Variants in MYO5B observed in about 807,000 individuals in gnomAD.
MYO5B encodes the protein unconventional myosin-Vb.
MYO5B carries 143 observed loss-of-function variants against 229.3 expected under a neutral mutation model. The ratio of observed to expected loss-of-function variants is 0.62; its 90% CI spans 0.54 to 0.72. MYO5B has a LOEUF of 0.72. MYO5B is among the 30% of genes least tolerant of loss of function. MYO5B has a pLI of 0.00. For missense variants in MYO5B, 2,321 were observed against 2,331.0 expected (o/e 1.00, Z 0.09); for synonymous variants, 918 against 885.2 (o/e 1.04, Z -0.66).
chr18:50,113,687 G>A (rs935569832), intron 1 of MYO5B, among the ~76,000 whole-genome samples: 2 of 152,210 alleles, frequency 1.3e-5, no homozygotes, highest in African/African-American at 4.8e-5. Context: ...GTTGAAGTTA[G>A]TGTGAGGGTC....
At chr18:50,190,792 A>C (rs1394660679) in intron 1 of MYO5B, among the ~76,000 whole-genome samples, 1 of 152,272 alleles carries the variant, frequency 6.6e-6, no homozygotes, top group Non-Finnish European at 1.5e-5. Context: ...ATATATATTT[A>C]AATGTTTCAT....
At chr18:50,129,576 G>A (rs2032221506) in intron 1 of MYO5B, among the ~76,000 whole-genome samples, 1 of 152,166 alleles carries the variant, frequency 6.6e-6, no homozygotes, top group Non-Finnish European at 1.5e-5. Flanking sequence ...CCATTTCCTA[G>A]AGCCTTTCTG....
intron 2 of MYO5B, among the ~76,000 whole-genome samples, chr18:50,052,989 A>G (rs370561472): frequency 6.6e-6 from 1 of 152,174 alleles, no homozygotes; most frequent in South Asian, 2.1e-4. Context: ...GGGAGGATGC[A>G]CGAGGTTGGT....
At chr18:49,988,333 C>T (rs1370087244) in intron 7 of MYO5B, among the ~76,000 whole-genome samples, 1 of 152,162 alleles carries the variant, frequency 6.6e-6, no homozygotes, top group Non-Finnish European at 1.5e-5. Flanking sequence ...AGCCTGACAC[C>T]AGAGCACAAG....
At chr18:49,863,990 T>C (rs1449249531) in intron 28 of MYO5B, 151 bp downstream of exon 28, 2 of 1,189,960 alleles carry the variant, frequency 1.7e-6, no homozygotes, top group African/African-American at 1.5e-5. Flanking sequence ...GCAGCAAGGC[T>C]TTTGCTCTGC....
At position 50,046,783 on chromosome 18, in the gene MYO5B, C is replaced by T. The variant is rs1000288441; in HGVS notation, c.139-6469G>A. On this transcript the variant is annotated intron_variant, in intron 2 of 39. Coordinates refer to ENST00000285039, the MANE Select transcript of MYO5B (RefSeq NM_001080467.3). The stretch of plus-strand genomic sequence containing the variant: ...AGAACAGAGCCCTCAGAAATAACGC[C>T]GCATATCTACAACTATCTAATCTTT... 2.6e-4 allele frequency among the ~76,000 whole-genome samples: 39 copies of T among 152,092 alleles called. 1 individual carries two copies. The highest frequency in any genetic ancestry group is 7.7e-4 in the African/African-American group (32 of 41,392).
intron 16 of MYO5B, among the ~76,000 whole-genome samples, chr18:49,933,051 CAAAG>C (rs1303684688): frequency 6.6e-6 from 1 of 152,228 alleles, no homozygotes; most frequent in Non-Finnish European, 1.5e-5. Flanking sequence ...CTGCTGGATG[CAAAG>C]AGAGGATCCC....
At chr18:50,008,911 G>A (rs780731259) in intron 4 of MYO5B, among the ~76,000 whole-genome samples, 18 of 152,080 alleles carry the variant, frequency 1.2e-4, no homozygotes, top group Middle Eastern at 3.2e-3. Flanking sequence ...ACAGATCACC[G>A]ACAATAGTTT....
At chr18:50,154,341 C>T (rs2032647448) in intron 1 of MYO5B, among the ~76,000 whole-genome samples, 1 of 152,164 alleles carries the variant, frequency 6.6e-6, no homozygotes, top group South Asian at 2.1e-4. Flanking sequence ...CAATCCATGA[C>T]CTCACAACAT....
intron 4 of MYO5B, among the ~76,000 whole-genome samples, chr18:50,018,890 G>T (rs578113262): frequency 6.6e-6 from 1 of 152,318 alleles, no homozygotes; most frequent in East Asian, 1.9e-4. Context: ...GAAGAAAAAA[G>T]AAAAGTAGCT....
chr18:49,844,899 T>G (rs142723024), intron 33 of MYO5B, among the ~76,000 whole-genome samples: 224 of 152,302 alleles, frequency 1.5e-3, no homozygotes, highest in African/African-American at 5.2e-3. Context: ...TAGTTTTATT[T>G]CTCCTCCACA....
chr18:49,836,388 A>G (rs970233188), intron 38 of MYO5B, among the ~76,000 whole-genome samples: 6 of 152,236 alleles, frequency 3.9e-5, no homozygotes, highest in African/African-American at 1.4e-4. Context: ...TTTCTATGTA[A>G]GAAACATTCC....
intron 1 of MYO5B, among the ~76,000 whole-genome samples, chr18:50,166,175 T>C (rs1218918638): frequency 6.6e-6 from 1 of 152,210 alleles, no homozygotes; most frequent in Non-Finnish European, 1.5e-5. Flanking sequence ...CCCTCAGGAC[T>C]TGCCTGCCAC....
At chr18:50,188,768 A>C (rs2033184679) in intron 1 of MYO5B, among the ~76,000 whole-genome samples, 1 of 127,134 alleles carries the variant, frequency 7.9e-6, no homozygotes, top group Admixed American at 8.8e-5. Flanking sequence ...GACTGGTGAC[A>C]CAGTGAGACT....
chr18:49,846,814 T>G (rs607374), intron 33 of MYO5B, among the ~76,000 whole-genome samples: 2 of 151,114 alleles, frequency 1.3e-5, no homozygotes, highest in Non-Finnish European at 3.0e-5. Context: ...CACTGTGGCC[T>G]GCAGAGAGCT....
chr18:50,168,463 C>G (rs1243575574), intron 1 of MYO5B, among the ~76,000 whole-genome samples: 1 of 152,248 alleles, frequency 6.6e-6, no homozygotes, highest in Non-Finnish European at 1.5e-5. Context: ...AGGAGTGGAA[C>G]AGCTGCCCCT....
intron 21 of MYO5B, among the ~76,000 whole-genome samples, chr18:49,898,379 T>G (rs2024803979): frequency 6.6e-6 from 1 of 152,250 alleles, no homozygotes; most frequent in African/African-American, 2.4e-5. Flanking sequence ...AGGATAACCT[T>G]ATATTCATAA....
At chr18:49,933,134 G>GCTCC (rs2025212746) in intron 16 of MYO5B, among the ~76,000 whole-genome samples, 1 of 152,152 alleles carries the variant, frequency 6.6e-6, no homozygotes. Context: ...TGGGCTGCAA[G>GCTCC]CTCCCTACCT....
intron 4 of MYO5B, among the ~76,000 whole-genome samples, chr18:50,007,998 C>T (rs9959102): frequency 0.051 from 7,738 of 152,220 alleles, 596 homozygotes; most frequent in African/African-American, 0.16. Flanking sequence ...CATCTCCTTG[C>T]ACAATTTTCC....
Sources: gnomAD v4.1 joint callset for allele counts (sites outside exome capture counted in the v4.1 genomes callset) on GRCh38, gnomAD v4.1.1 for gene constraint, MANE v1.5 for transcripts, NCBI Gene and HGNC (gene_info 2026-07-23, HGNC 2026-07-21) for gene names.